IL1RAPL1: variants seen among roughly 807,000 people sequenced by gnomAD.
The protein encoded by IL1RAPL1 is interleukin 1 receptor accessory protein like 1.
IL1RAPL1 carries 3 observed loss-of-function variants against 48.4 expected under a neutral mutation model. The observed-to-expected ratio is 0.06, with a 90% CI of 0.03 to 0.16. IL1RAPL1 has a LOEUF of 0.16. IL1RAPL1 is among the 10% of genes least tolerant of loss of function. IL1RAPL1 has a pLI of 1.00. For synonymous variants in IL1RAPL1, 185 were observed against 187.7 expected (o/e 0.99, Z 0.12); for missense variants, 349 against 530.6 (o/e 0.66, Z 3.36).
Position 29,804,171 on chromosome X carries a change from A to T in IL1RAPL1, c.779-113293A>T, listed in dbSNP as rs181755023. Among the ~76,000 whole-genome samples the T allele has an allele frequency of 1.4e-3, 161 of 111,659 alleles. 3 individuals carry two copies. The highest frequency in any genetic ancestry group is 1.0e-3 in the Non-Finnish European group (55 of 53,122). On this transcript the variant is annotated intron_variant, in intron 6 of 10. Coordinates refer to ENST00000378993, the MANE Select transcript of IL1RAPL1 (RefSeq NM_014271.4). ...TTGCATAATTAAAAATTTTAATGCT[A>T]AATCAGAAACCAAAAATGGAATGTG... is the stretch of plus-strand genomic sequence containing the variant.
intron 3 of IL1RAPL1, among the ~76,000 whole-genome samples, chrX:29,362,157 C>T (rs1005915932): frequency 8.9e-6 from 1 of 112,354 alleles, no homozygotes; most frequent in Non-Finnish European, 1.9e-5. Context: ...ATCAATTGTG[C>T]TTGATAAATA....
chrX:29,203,490 G>C (rs1930597508), intron 2 of IL1RAPL1, among the ~76,000 whole-genome samples: 1 of 109,694 alleles, frequency 9.1e-6, no homozygotes, highest in African/African-American at 3.3e-5. Flanking sequence ...TGAGGCCAAG[G>C]CTGGTGGATC....
Position 29,402,573 on chromosome X carries a change from CCT to C in IL1RAPL1, c.703+3266_703+3267del, listed in dbSNP as rs770503324. Among the ~76,000 whole-genome samples, 11 of 111,541 alleles carry C rather than the reference CCT, an allele frequency of 9.9e-5. No individual in the cohort carries two copies. The East Asian group carries it at 3.1e-3, about 31-fold the overall frequency. ...CCCATCTAGCCTGCATTCAGTTCCC[CCT>C]GTTATTCACATCTAATATTAATATG... On this transcript the variant is annotated intron_variant, in intron 5 of 10. Transcript: ENST00000378993.
chrX:29,025,180 A>G (rs1460685405), intron 2 of IL1RAPL1, among the ~76,000 whole-genome samples: 2 of 112,314 alleles, frequency 1.8e-5, no homozygotes, highest in Non-Finnish European at 3.8e-5. Flanking sequence ...CATTGCATGT[A>G]TATAATATTT....
chrX:29,848,535 T>C (rs142159702), intron 6 of IL1RAPL1, among the ~76,000 whole-genome samples: 1,936 of 111,402 alleles, frequency 0.017, 42 homozygotes, highest in African/African-American at 0.057. Context: ...AAATAGTAAC[T>C]CATTGGATGC....
chrX:29,527,310 C>A (rs1433172159), intron 5 of IL1RAPL1, among the ~76,000 whole-genome samples: 1 of 86,199 alleles, frequency 1.2e-5, no homozygotes, highest in Non-Finnish European at 2.2e-5. Context: ...TTAGGACTTG[C>A]ATGTAGGGAA....
At chrX:28,677,769 G>A (rs933326338) in intron 1 of IL1RAPL1, among the ~76,000 whole-genome samples, 1 of 110,752 alleles carries the variant, frequency 9.0e-6, no homozygotes, top group Non-Finnish European at 1.9e-5. Flanking sequence ...TGTATTTTTA[G>A]TAGAGATGGG....
intron 5 of IL1RAPL1, among the ~76,000 whole-genome samples, chrX:29,530,980 C>T (rs1263215673): frequency 1.8e-5 from 2 of 112,095 alleles, no homozygotes; most frequent in Non-Finnish European, 3.8e-5. Flanking sequence ...GAATTAAAGA[C>T]ATTATGCATT....
chrX:28,694,057 A>G (rs1027782357), intron 1 of IL1RAPL1, among the ~76,000 whole-genome samples: 2 of 111,371 alleles, frequency 1.8e-5, no homozygotes, highest in Non-Finnish European at 3.8e-5. Flanking sequence ...ACCTTCCTGC[A>G]CAGAGTCTCC....
intron 5 of IL1RAPL1, among the ~76,000 whole-genome samples, chrX:29,423,228 C>A (rs1231710084): frequency 8.9e-6 from 1 of 111,959 alleles, no homozygotes; most frequent in African/African-American, 3.2e-5. Flanking sequence ...CCTGGAAGCA[C>A]CCCCACAACA....
chrX:29,511,219 C>T (rs1935390218), intron 5 of IL1RAPL1, among the ~76,000 whole-genome samples: 1 of 111,459 alleles, frequency 9.0e-6, no homozygotes, highest in South Asian at 3.7e-4. Context: ...TTTTTATTTC[C>T]CAATACTTAA....
At chrX:29,851,588 G>A (rs1275481637) in intron 6 of IL1RAPL1, among the ~76,000 whole-genome samples, 1 of 111,935 alleles carries the variant, frequency 8.9e-6, no homozygotes, top group Non-Finnish European at 1.9e-5. Context: ...GTTTAAGGCA[G>A]TAACCAAAAC....
intron 5 of IL1RAPL1, among the ~76,000 whole-genome samples, chrX:29,641,269 G>A (rs933386179): frequency 8.9e-5 from 10 of 112,944 alleles, no homozygotes; most frequent in African/African-American, 3.2e-4. Context: ...AACCATAAGC[G>A]ATCAGACTGT....
At chrX:29,782,211 T>C (rs1410013620) in intron 6 of IL1RAPL1, among the ~76,000 whole-genome samples, 2 of 110,437 alleles carry the variant, frequency 1.8e-5, no homozygotes, top group Non-Finnish European at 3.8e-5. Flanking sequence ...ACATAAATCA[T>C]GGTGTAAGTT....
intron 2 of IL1RAPL1, among the ~76,000 whole-genome samples, chrX:29,212,145 A>G (rs1930780666): frequency 9.0e-6 from 1 of 111,490 alleles, no homozygotes; most frequent in East Asian, 2.8e-4. Flanking sequence ...TGCTCAGGCT[A>G]AATGGTTTGG....
intron 2 of IL1RAPL1, among the ~76,000 whole-genome samples, chrX:28,936,332 CTG>C (rs746236590): frequency 1.8e-5 from 2 of 110,116 alleles, no homozygotes; most frequent in Non-Finnish European, 3.8e-5. Context: ...GGAACTGTAA[CTG>C]TGAATATTGA....
intron 5 of IL1RAPL1, among the ~76,000 whole-genome samples, chrX:29,577,095 C>T (rs771883929): frequency 9.0e-6 from 1 of 111,537 alleles, no homozygotes; most frequent in Non-Finnish European, 1.9e-5. Context: ...ATCTTAGGCT[C>T]TTAAATTTAA....
chrX:29,395,538 G>GA (rs1258871152), intron 3 of IL1RAPL1, among the ~76,000 whole-genome samples: 1 of 111,476 alleles, frequency 9.0e-6, no homozygotes, highest in East Asian at 2.8e-4. Context: ...GTACCAGGAA[G>GA]AAAAAAGAGA....
chrX:28,949,370 T>C, intron 2 of IL1RAPL1, among the ~76,000 whole-genome samples: 1 of 110,941 alleles, frequency 9.0e-6, no homozygotes, highest in Non-Finnish European at 1.9e-5. Flanking sequence ...TTGTCAACAA[T>C]GTATTGATAG....
Sources: allele counts gnomAD v4.1 joint callset (sites outside exome capture counted in the v4.1 genomes callset), GRCh38; gene constraint gnomAD v4.1.1; transcripts MANE v1.5; gene names NCBI Gene and HGNC (gene_info 2026-07-23, HGNC 2026-07-21).